The following ENOX1 variants were observed in gnomAD, a reference collection of about 807,000 sequenced individuals.
ENOX1 encodes ecto-NOX disulfide-thiol exchanger 1, also known as candidate growth-related and time keeping constitutive hydroquinone (NADH) oxidase.
In ENOX1, 42 loss-of-function variants were observed where a neutral mutation model predicts 82.5. That is an observed-to-expected ratio of 0.51 (90% confidence interval 0.40 to 0.66). ENOX1 has a LOEUF of 0.66. ENOX1 is among the 30% of genes least tolerant of loss of function. The pLI is 0.00. For missense variants in ENOX1, 608 were observed against 811.6 expected (o/e 0.75, Z 3.05); for synonymous variants, 271 against 282.2 (o/e 0.96, Z 0.40).
At chr13:43,528,821 G>A (rs1361997116) in intron 2 of ENOX1, among the ~76,000 whole-genome samples, 2 of 151,998 alleles carry the variant, frequency 1.3e-5, no homozygotes, top group African/African-American at 4.8e-5. Flanking sequence ...TCTTTCTTAG[G>A]TAGATTTTTT....
chr13:43,723,749 C>G (rs2088731568), intron 1 of ENOX1, among the ~76,000 whole-genome samples: 1 of 151,078 alleles, frequency 6.6e-6, no homozygotes, highest in African/African-American at 2.4e-5. Context: ...GGCATTTTAA[C>G]CATCTATACA....
chr13:43,621,537 C>A (rs544672065), intron 2 of ENOX1, among the ~76,000 whole-genome samples: 1 of 152,068 alleles, frequency 6.6e-6, no homozygotes, highest in South Asian at 2.1e-4. Flanking sequence ...ATATAAAATT[C>A]TTGGCTGATA....
chr13:43,719,570 C>G (rs1330859920), intron 1 of ENOX1, among the ~76,000 whole-genome samples: 1 of 152,038 alleles, frequency 6.6e-6, no homozygotes, highest in Non-Finnish European at 1.5e-5. Flanking sequence ...AGAAATGCAC[C>G]AAGTCTTATG....
chr13:43,690,142 T>G (rs1263601922), intron 1 of ENOX1, among the ~76,000 whole-genome samples: 1 of 152,010 alleles, frequency 6.6e-6, no homozygotes, highest in Non-Finnish European at 1.5e-5. Flanking sequence ...CAATCTAGCC[T>G]CTTCTCTCTC....
chr13:43,562,812 T>C (rs1000782378), intron 2 of ENOX1, among the ~76,000 whole-genome samples: 4 of 152,156 alleles, frequency 2.6e-5, no homozygotes, highest in African/African-American at 4.8e-5. Flanking sequence ...CTTCATTATA[T>C]AATAATCTAT....
intron 2 of ENOX1, among the ~76,000 whole-genome samples, chr13:43,494,987 G>T (rs915023436): frequency 1.3e-5 from 2 of 152,154 alleles, no homozygotes; most frequent in Admixed American, 1.3e-4. Flanking sequence ...AACACTGACA[G>T]AATGTGGAGA....
chr13:43,531,167 C>A (rs973833106), intron 2 of ENOX1, among the ~76,000 whole-genome samples: 1 of 151,668 alleles, frequency 6.6e-6, no homozygotes, highest in Non-Finnish European at 1.5e-5. Context: ...AGGTTTTATA[C>A]TTTCCTTAAA....
At chr13:43,231,951 G>T (rs1417600687) in intron 15 of ENOX1, among the ~76,000 whole-genome samples, 2 of 152,000 alleles carry the variant, frequency 1.3e-5, no homozygotes, top group African/African-American at 2.4e-5. Context: ...TTTTGACAGG[G>T]TCTCACTCTA....
chr13:43,330,112 G>T (rs1447032938), intron 9 of ENOX1, among the ~76,000 whole-genome samples: 1 of 152,198 alleles, frequency 6.6e-6, no homozygotes, highest in African/African-American at 2.4e-5. Flanking sequence ...GATGACCACT[G>T]ACTACCTCTC....
At chr13:43,476,392 T>C (rs531015062) in intron 3 of ENOX1, among the ~76,000 whole-genome samples, 1 of 152,210 alleles carries the variant, frequency 6.6e-6, no homozygotes, top group Non-Finnish European at 1.5e-5. Context: ...AAAGTGCATA[T>C]TTTTCTAATG....
At chr13:43,451,471 T>C (rs1224352459) in intron 3 of ENOX1, among the ~76,000 whole-genome samples, 3 of 152,198 alleles carry the variant, frequency 2.0e-5, no homozygotes, top group Non-Finnish European at 4.4e-5. Context: ...TGAACTTCAA[T>C]AGTGGCCCAT....
chr13:43,521,970 T>C (rs1006684121), intron 2 of ENOX1, among the ~76,000 whole-genome samples: 7 of 152,172 alleles, frequency 4.6e-5, no homozygotes, highest in Non-Finnish European at 7.4e-5. Flanking sequence ...GAATCATGTA[T>C]AGAATCATGA....
chr13:43,411,249 T>A (rs1256407816), intron 5 of ENOX1, among the ~76,000 whole-genome samples: 1 of 152,228 alleles, frequency 6.6e-6, no homozygotes, highest in African/African-American at 2.4e-5. Context: ...TATACATATA[T>A]ATTTATTCTA....
At chr13:43,768,082 C>T (rs1951383208) in intron 1 of ENOX1, among the ~76,000 whole-genome samples, 1 of 152,148 alleles carries the variant, frequency 6.6e-6, no homozygotes, top group African/African-American at 2.4e-5. Flanking sequence ...CATATTTTTC[C>T]CCACTAAGTA....
chr13:43,651,695 T>TCAAAAAAAAAAAAAAAAAAAAA (rs2084179088), intron 2 of ENOX1, among the ~76,000 whole-genome samples: 1 of 96,936 alleles, frequency 1.0e-5, no homozygotes, highest in Non-Finnish European at 2.3e-5. Context: ...AGACTCTGTC[T>TCAAAAAAAAAAAAAAAAAAAAA]AAAAAAAAAA....
rs1041007682 is a variant in ENOX1 at position 43,766,974 on chromosome 13, AT to A, written c.-285+19677del. Among the ~76,000 whole-genome samples the A allele has an allele frequency of 6.2e-5, 9 of 144,054 alleles. No homozygotes were observed. In the East Asian group the frequency reaches 1.0e-3, roughly 16 times the overall value. 94.5% of individuals were successfully genotyped at this position (144,054 alleles called of 152,430 possible). A position where few individuals can be genotyped will look rare whatever the true frequency, so the allele number is the denominator to read the frequency against. ...GAATGTCTCTCTTAAAAAAAAAAAA[AT>A]TGCCCAATTGAAAATAACTCTCTAA... On this transcript the variant is annotated intron_variant, in intron 1 of 16. Coordinates refer to ENST00000690772, the MANE Select transcript of ENOX1 (RefSeq NM_001347969.2).
intron 1 of ENOX1, among the ~76,000 whole-genome samples, chr13:43,675,945 G>A (rs1041906368): frequency 6.6e-6 from 1 of 152,168 alleles, no homozygotes; most frequent in Non-Finnish European, 1.5e-5. Flanking sequence ...CCAAAAGATC[G>A]TTAACACCAA....
intron 2 of ENOX1, among the ~76,000 whole-genome samples, chr13:43,643,768 G>C (rs574673113): frequency 1.3e-5 from 2 of 151,928 alleles, no homozygotes; most frequent in African/African-American, 4.8e-5. Flanking sequence ...AGCAAATCAA[G>C]ATTACATACC....
rs111426841 is a variant in ENOX1, at chr13:43,614,638, G to A, written c.-219+52841C>T. On this transcript the variant is annotated intron_variant, in intron 2 of 16. Coordinates refer to ENST00000690772, the MANE Select transcript of ENOX1 (RefSeq NM_001347969.2). ...CTCTCCCTGCTCACTGTCATCAGCT[G>A]GGTCCCAATCCAGTTTCTACACCTA... is the stretch of plus-strand genomic sequence containing the variant. Among the ~76,000 whole-genome samples, 356 of 148,332 alleles carry A rather than the reference G, an allele frequency of 2.4e-3. 1 individual carries two copies. The highest frequency in any genetic ancestry group is 8.6e-3 in the African/African-American group (345 of 40,272).
Sources: allele counts gnomAD v4.1 joint callset (sites outside exome capture counted in the v4.1 genomes callset), GRCh38; gene constraint gnomAD v4.1.1; transcripts MANE v1.5; gene names NCBI Gene and HGNC (gene_info 2026-07-23, HGNC 2026-07-21).